The following FAM220A variants were observed in gnomAD, a reference collection of about 807,000 sequenced individuals.
The protein encoded by FAM220A is family with sequence similarity 220 member A.
For synonymous variants in FAM220A, 141 were observed against 130.7 expected (o/e 1.08, Z -0.54); for missense variants, 392 against 321.6 (o/e 1.22, Z -1.68).
chr7:6,341,452 TAATA>T (rs1781856858), intron 1 of FAM220A, among the ~76,000 whole-genome samples: 1 of 138,502 alleles, frequency 7.2e-6, no homozygotes, highest in Admixed American at 7.5e-5. Context: ...AAAAAAATAA[TAATA>T]ATAATTATTA....
At chr7:6,347,878 AC>A (rs1392487573) in intron 1 of FAM220A, among the ~76,000 whole-genome samples, 2 of 113,688 alleles carry the variant, frequency 1.8e-5, no homozygotes, top group African/African-American at 3.3e-5. Flanking sequence ...ACATAACGAG[AC>A]CCCTTTATTA....
chr7:6,347,862 T>C (rs1781982707), intron 1 of FAM220A, among the ~76,000 whole-genome samples: 1 of 148,016 alleles, frequency 6.8e-6, no homozygotes, highest in South Asian at 2.2e-4. Flanking sequence ...GAGACCAGCC[T>C]GGGCAACATA....
intron 1 of FAM220A, chr7:6,341,904 A>T (rs1781865426): frequency 6.6e-6 from 1 of 152,158 alleles, no homozygotes; most frequent in Non-Finnish European, 1.5e-5. Flanking sequence ...AGGCTGAGGC[A>T]GGAGAATCAC....
intron 1 of FAM220A, 134 bp from the exon 2 acceptor site, chr7:6,331,369 G>C: frequency 3.3e-6 from 2 of 607,734 alleles, no homozygotes; most frequent in Non-Finnish European, 2.9e-6. Context: ...CACCATATTG[G>C]TAAGGCTGGT....
chr7:6,338,899 T>C (rs1241070716), intron 1 of FAM220A, among the ~76,000 whole-genome samples: 2 of 152,100 alleles, frequency 1.3e-5, no homozygotes, highest in Non-Finnish European at 2.9e-5. Flanking sequence ...GCGGTGGGCC[T>C]TGAGGGACTG....
chr7:6,331,835 G>T (rs1053995053), intron 1 of FAM220A, among the ~76,000 whole-genome samples: 1 of 146,826 alleles, frequency 6.8e-6, no homozygotes, highest in South Asian at 2.2e-4. Context: ...CTACCTCTCA[G>T]GTTCGAGCGA....
At chr7:6,348,232 A>AGGGGGGG (rs11408091) in intron 1 of FAM220A, among the ~76,000 whole-genome samples, 13 of 145,136 alleles carry the variant, frequency 9.0e-5, no homozygotes, top group Admixed American at 2.1e-4. Context: ...ATTAAAAATA[A>AGGGGGGG]GGGGGGGGGT....
In FAM220A at chr7:6,330,914, G is replaced by A. The variant is rs1196835335; in HGVS notation, c.241C>T (p.Pro81Ser). The A allele has an allele frequency of 6.2e-7, 1 of 1,614,184 alleles. No individual in the cohort carries two copies. The highest frequency in any genetic ancestry group is 1.1e-5 in the South Asian group (1 of 91,086). ...GAGLWLHSGG[P>S]VLPYVRESVR... ...GATTCTCTCACATATGGAAGCACTG[G>A]GCCGCCACTGTGAAGCCAGAGGCCA... Residue 81 changes from proline (P) to serine (S), a missense_variant, in exon 2 of 2, where the codon CCA (proline) becomes TCA (serine). Transcript: ENST00000313324.
chr7:6,336,524 T>C (rs145177605), intron 1 of FAM220A, among the ~76,000 whole-genome samples: 3,478 of 151,904 alleles, frequency 0.023, 67 homozygotes, highest in Middle Eastern at 0.041. Context: ...CTACTAAAAA[T>C]ACAAAAATTA....
At chr7:6,348,547 G>A (rs1781999689) in intron 1 of FAM220A, 26 bp downstream of exon 1, 1 of 424,390 alleles carries the variant, frequency 2.4e-6, no homozygotes, top group Non-Finnish European at 4.2e-6. Flanking sequence ...GGAGGGCCGG[G>A]GGCCGGGCAG....
chr7:6,337,886 C>T (rs967052973), intron 1 of FAM220A, among the ~76,000 whole-genome samples: 1 of 151,614 alleles, frequency 6.6e-6, no homozygotes, highest in African/African-American at 2.4e-5. Flanking sequence ...TCACTGCAAC[C>T]TCCGCCTCCC....
At chr7:6,332,166 T>C (rs1781650428) in intron 1 of FAM220A, among the ~76,000 whole-genome samples, 1 of 151,178 alleles carries the variant, frequency 6.6e-6, no homozygotes. Flanking sequence ...AAAAATAACA[T>C]GACTGGGCAT....
In FAM220A at chr7:6,341,645, G is replaced by T. The variant is rs966768720; in HGVS notation, c.-82+6928C>A. 4.1e-5 allele frequency among the ~76,000 whole-genome samples: 6 copies of T among 147,968 alleles called. No homozygotes were observed. The South Asian group carries it at 1.3e-3, about 32-fold the overall frequency. On this transcript the variant is annotated intron_variant, in intron 1 of 1. Coordinates refer to ENST00000313324, the MANE Select transcript of FAM220A (RefSeq NM_001037163.2). The stretch of plus-strand genomic sequence containing the variant: ...GTGGAGCTTGCAGTGAGCTGAGATC[G>T]CGCCACCGCACTCTAGCCTGGGCCA...
intron 1 of FAM220A, among the ~76,000 whole-genome samples, chr7:6,346,270 T>G (rs1781950079): frequency 6.6e-6 from 1 of 152,116 alleles, no homozygotes; most frequent in African/African-American, 2.4e-5. Context: ...GGTGGAGGTT[T>G]TGACCCCTCT....
chr7:6,347,844 A>C (rs1781982107), intron 1 of FAM220A, among the ~76,000 whole-genome samples: 2 of 151,056 alleles, frequency 1.3e-5, no homozygotes, highest in South Asian at 4.2e-4. Context: ...TCTTGAGGCC[A>C]GGAGTTCGAG....
At chr7:6,336,710 A>G (rs1431761376) in intron 1 of FAM220A, among the ~76,000 whole-genome samples, 1 of 150,746 alleles carries the variant, frequency 6.6e-6, no homozygotes, top group African/African-American at 2.4e-5. Flanking sequence ...CTGGAGTGCA[A>G]TGGCACAGTC....
chr7:6,333,444 AAAAG>A (rs1299851063), intron 1 of FAM220A, among the ~76,000 whole-genome samples: 3 of 152,120 alleles, frequency 2.0e-5, no homozygotes, highest in South Asian at 4.1e-4. Context: ...CAGAGCAGGA[AAAAG>A]AAAGAAAGAA....
rs577867037 is a variant in FAM220A at position 6,330,773 on chromosome 7, G to A, written c.382C>T (p.Arg128Ter). ...SCSGVEALGR[R>*]DWLGGGPRAT... The stretch of plus-strand genomic sequence containing the variant: ...CTGGGCCCTCCTCCCAGCCAGTCTC[G>A]CCGCCCCAGAGCTTCAACACCACTG... Residue 128 changes from arginine (R) to a stop codon, truncating the protein, a stop_gained, in exon 2 of 2, where the codon CGA becomes TGA. Transcript: ENST00000313324. LOFTEE classifies it low-confidence loss of function (END_TRUNC). 8 of 1,614,056 alleles carry A rather than the reference G, an allele frequency of 5.0e-6. No homozygotes were observed. The Admixed American group carries it at 8.3e-5, about 17-fold the overall frequency.
chr7:6,341,621 T>A lies in FAM220A; in HGVS notation c.-82+6952A>T, dbSNP rs551590838. Reference sequence around the variant, plus strand: ...AGGGGAATGGCGTGAACCCAGGAGGTGGAGCTTGCAGTGAGCTGAGATCGC... The same window carrying A: ...AGGGGAATGGCGTGAACCCAGGAGGAGGAGCTTGCAGTGAGCTGAGATCGC... On this transcript the variant is annotated intron_variant, in intron 1 of 1. Coordinates refer to ENST00000313324, the MANE Select transcript of FAM220A (RefSeq NM_001037163.2). Among the ~76,000 whole-genome samples, 1,095 of 134,874 alleles carry A rather than the reference T, an allele frequency of 8.1e-3. 6 individuals carry two copies. Among genetic ancestry groups the A allele is most frequent in the African/African-American group, 0.029 (1,026 of 35,196 alleles). 88.5% of individuals were successfully genotyped at this position (134,874 alleles called of 152,430 possible).
Sources: gnomAD v4.1 joint callset for allele counts (sites outside exome capture counted in the v4.1 genomes callset) on GRCh38, gnomAD v4.1.1 for gene constraint, MANE v1.5 for transcripts, NCBI Gene and HGNC (gene_info 2026-07-23, HGNC 2026-07-21) for gene names.